Variants in LHFPL2 observed in about 807,000 individuals in gnomAD.
The protein encoded by LHFPL2 is LHFPL tetraspan subfamily member 2 protein.
In LHFPL2, 7 loss-of-function variants were observed where a neutral mutation model predicts 17.5. The observed-to-expected ratio is 0.40, with a 90% CI of 0.23 to 0.75. LHFPL2 has a LOEUF of 0.75. LHFPL2 is among the 30% of genes least tolerant of loss of function. LHFPL2 has a pLI of 0.37. For missense variants in LHFPL2, 241 were observed against 294.8 expected (o/e 0.82, Z 1.34); for synonymous variants, 134 against 116.2 (o/e 1.15, Z -0.99).
intron 2 of LHFPL2, among the ~76,000 whole-genome samples, chr5:78,620,798 C>T (rs530705704): frequency 1.4e-4 from 22 of 152,226 alleles, no homozygotes; most frequent in Admixed American, 3.3e-4. Flanking sequence ...CTAATGGAGC[C>T]GACTGCCAAG....
intron 3 of LHFPL2, among the ~76,000 whole-genome samples, chr5:78,544,361 C>G (rs999567402): frequency 2.0e-5 from 3 of 152,196 alleles, no homozygotes; most frequent in Non-Finnish European, 4.4e-5. Context: ...GAGCTCAGGT[C>G]TTTGGTTTTG....
chr5:78,489,991 G>A (rs976266071), intron 4 of LHFPL2, among the ~76,000 whole-genome samples: 1 of 152,238 alleles, frequency 6.6e-6, no homozygotes, highest in Non-Finnish European at 1.5e-5. Flanking sequence ...CCACGAGGGA[G>A]ACCAGGTCTT....
intron 4 of LHFPL2, among the ~76,000 whole-genome samples, chr5:78,489,430 G>GAAGAAA (rs1471976214): frequency 9.2e-5 from 14 of 152,192 alleles, no homozygotes; most frequent in African/African-American, 3.1e-4. Flanking sequence ...TCTTAAGACA[G>GAAGAAA]AGTCTCAATC....
At chr5:78,615,203 G>A (rs906751042) in intron 2 of LHFPL2, among the ~76,000 whole-genome samples, 2 of 152,184 alleles carry the variant, frequency 1.3e-5, no homozygotes, top group African/African-American at 4.8e-5. Context: ...GGTGTGTGGA[G>A]TGTGGGGAAG....
At chr5:78,509,704 G>A (rs1341830154) in intron 4 of LHFPL2, 80 bp downstream of exon 4, 4 of 1,396,172 alleles carry the variant, frequency 2.9e-6, no homozygotes, top group African/African-American at 2.9e-5. Context: ...AGCAGGAAGC[G>A]AATGCCCAGT....
At chr5:78,644,395 T>C in intron 1 of LHFPL2, 1 of 852,940 alleles carries the variant, frequency 1.2e-6, no homozygotes, top group South Asian at 1.5e-5. Flanking sequence ...TTTTCATATT[T>C]TTCCTTCAGC....
chr5:78,609,859 AT>A (rs1400861066), intron 2 of LHFPL2, among the ~76,000 whole-genome samples: 5 of 148,672 alleles, frequency 3.4e-5, no homozygotes, highest in African/African-American at 9.8e-5. Context: ...AAAAAAAAAA[AT>A]TCTTTTTGTG....
intron 4 of LHFPL2, chr5:78,494,571 C>CCAAGTG: frequency 1.0e-6 from 1 of 963,886 alleles, no homozygotes; most frequent in Non-Finnish European, 1.2e-6. Flanking sequence ...GATGGTCAGT[C>CCAAGTG]ACTTGGACTG....
chr5:78,522,345 T>C (rs1349390581), intron 3 of LHFPL2, among the ~76,000 whole-genome samples: 1 of 151,978 alleles, frequency 6.6e-6, no homozygotes, highest in Non-Finnish European at 1.5e-5. Flanking sequence ...GGCTGAGGCA[T>C]GAGAATCACT....
At chr5:78,643,456 C>T (rs181155100) in intron 1 of LHFPL2, among the ~76,000 whole-genome samples, 67 of 152,192 alleles carry the variant, frequency 4.4e-4, no homozygotes, top group South Asian at 4.4e-3. Flanking sequence ...TTGATTCCTT[C>T]TTTGCCTTTC....
intron 3 of LHFPL2, among the ~76,000 whole-genome samples, chr5:78,518,243 G>A (rs1348914128): frequency 6.6e-6 from 1 of 152,216 alleles, no homozygotes; most frequent in Non-Finnish European, 1.5e-5. Flanking sequence ...AACCTCTTGT[G>A]TCTTCTCAGG....
At chr5:78,511,961 T>C (rs1755142417) in intron 3 of LHFPL2, among the ~76,000 whole-genome samples, 1 of 152,118 alleles carries the variant, frequency 6.6e-6, no homozygotes. Context: ...ACTGACCATA[T>C]GGATGCCTAA....
At chr5:78,582,447 A>G (rs1743182450) in intron 2 of LHFPL2, among the ~76,000 whole-genome samples, 1 of 148,524 alleles carries the variant, frequency 6.7e-6, no homozygotes, top group Non-Finnish European at 1.5e-5. Flanking sequence ...CCCTCTACAC[A>G]CTGCTTTGAA....
intron 3 of LHFPL2, among the ~76,000 whole-genome samples, chr5:78,513,534 G>A (rs1006036691): frequency 1.3e-5 from 2 of 152,160 alleles, no homozygotes; most frequent in African/African-American, 2.4e-5. Flanking sequence ...GACTAAAATC[G>A]AGGCTTCCTG....
chr5:78,629,256 T>C (rs1745163965), intron 2 of LHFPL2, among the ~76,000 whole-genome samples: 1 of 152,228 alleles, frequency 6.6e-6, no homozygotes, highest in African/African-American at 2.4e-5. Flanking sequence ...ATACCTCCTA[T>C]CTTTTTGTAA....
intron 4 of LHFPL2, 62 bp from the exon 5 acceptor site, chr5:78,489,215 G>A (rs567817649): frequency 1.3e-6 from 2 of 1,574,580 alleles, no homozygotes; most frequent in Non-Finnish European, 1.7e-6. Context: ...GTCCAGATCT[G>A]TTGTAATTGT....
In LHFPL2 at chr5:78,631,719, T is replaced by C. The variant is rs965229617; in HGVS notation, c.-245+545A>G. 2.6e-5 allele frequency among the ~76,000 whole-genome samples: 4 copies of C among 152,182 alleles called. No individual in the cohort carries two copies. The South Asian group carries it at 8.3e-4, about 31-fold the overall frequency. On this transcript the variant is annotated intron_variant, in intron 2 of 4. Transcript: ENST00000380345. Reference sequence around the variant, plus strand: ...GGGAGGCCAACGCAGGCGGATCACTTGAGGTCAGGAGTTCAAGACCAGCTT... The same window carrying C: ...GGGAGGCCAACGCAGGCGGATCACTCGAGGTCAGGAGTTCAAGACCAGCTT...
At chr5:78,524,110 T>C (rs1402284373) in intron 3 of LHFPL2, among the ~76,000 whole-genome samples, 2 of 152,024 alleles carry the variant, frequency 1.3e-5, no homozygotes, top group African/African-American at 2.4e-5. Flanking sequence ...AAACAGAAGG[T>C]TGTCATTAAG....
intron 2 of LHFPL2, among the ~76,000 whole-genome samples, chr5:78,622,842 C>CAGAAG (rs1468574787): frequency 6.6e-6 from 1 of 152,112 alleles, no homozygotes. Flanking sequence ...CAGAAAAGAC[C>CAGAAG]AGAAGATACA....
Sources: gnomAD v4.1 joint callset for allele counts (sites outside exome capture counted in the v4.1 genomes callset) on GRCh38, gnomAD v4.1.1 for gene constraint, MANE v1.5 for transcripts, NCBI Gene and HGNC (gene_info 2026-07-23, HGNC 2026-07-21) for gene names.